The following BMPR1B variants were observed in gnomAD, a reference collection of about 807,000 sequenced individuals.
BMPR1B encodes bone morphogenetic protein receptor type-1B.
In BMPR1B, 12 loss-of-function variants were observed where a neutral mutation model predicts 59.1. The ratio of observed to expected loss-of-function variants is 0.20; its 90% confidence interval spans 0.13 to 0.33. The LOEUF (loss-of-function observed/expected upper bound fraction) is 0.33, where lower values mean the gene tolerates loss of function less well. Ranked by LOEUF, BMPR1B falls within the 10% of genes least tolerant of loss-of-function variation. The pLI, the probability that BMPR1B is intolerant of heterozygous loss-of-function variation, is 1.00. For synonymous variants in BMPR1B, 237 were observed against 207.3 expected (o/e 1.14, Z -1.23); for missense variants, 550 against 610.9 (o/e 0.90, Z 1.05).
intron 1 of BMPR1B, among the ~76,000 whole-genome samples, chr4:94,769,610 CA>C (rs35417815): frequency 6.4e-4 from 93 of 145,004 alleles, no homozygotes; most frequent in Middle Eastern, 3.6e-3. Context: ...AACACCTTCT[CA>C]AAAAAAAAAA....
At chr4:95,008,912 G>A (rs1368962365) in intron 3 of BMPR1B, among the ~76,000 whole-genome samples, 1 of 152,108 alleles carries the variant, frequency 6.6e-6, no homozygotes, top group Non-Finnish European at 1.5e-5. Flanking sequence ...GATGAGGGTT[G>A]GGCACAGTGT....
intron 1 of BMPR1B, among the ~76,000 whole-genome samples, chr4:94,797,487 G>A (rs1037973932): frequency 2.0e-5 from 3 of 152,194 alleles, no homozygotes. Context: ...CGAAGGTGTT[G>A]TAGAAAAAAC....
intron 3 of BMPR1B, among the ~76,000 whole-genome samples, chr4:95,024,815 A>T (rs1469069463): frequency 6.6e-6 from 1 of 152,178 alleles, no homozygotes; most frequent in African/African-American, 2.4e-5. Context: ...AAAAATGAAA[A>T]TAAAAGGCTG....
chr4:95,073,231 C>G (rs1042546301), intron 3 of BMPR1B, among the ~76,000 whole-genome samples: 11 of 152,192 alleles, frequency 7.2e-5, no homozygotes, highest in African/African-American at 2.6e-4. Context: ...ATTTGACTTG[C>G]CAAGCCATTT....
At chr4:94,902,961 A>G (rs574458364) in intron 2 of BMPR1B, among the ~76,000 whole-genome samples, 1 of 152,048 alleles carries the variant, frequency 6.6e-6, no homozygotes, top group Non-Finnish European at 1.5e-5. Flanking sequence ...TGTGAGGGCT[A>G]GGTTTTGATC....
Position 95,044,821 on chromosome 4 carries a change from T to G in BMPR1B, c.-18+48687T>G, listed in dbSNP as rs113932170. On this transcript the variant is annotated intron_variant, in intron 3 of 12. Coordinates refer to ENST00000515059, the MANE Select transcript of BMPR1B (RefSeq NM_001203.3). ...GAAAGAGGGCTGAAGTTGTGGTCTT[T>G]ATAAACTCCAAAGTCAGGAAAAAAG... 2.9e-3 allele frequency among the ~76,000 whole-genome samples: 449 copies of G among 152,274 alleles called. 1 individual carries two copies. Among genetic ancestry groups the G allele is most frequent in the African/African-American group, 0.01 (423 of 41,566 alleles).
intron 6 of BMPR1B, among the ~76,000 whole-genome samples, chr4:95,119,801 A>T (rs1349582568): frequency 6.6e-6 from 1 of 152,222 alleles, no homozygotes; most frequent in East Asian, 1.9e-4. Context: ...TGAGTAAATC[A>T]TAACACTGAC....
At chr4:94,775,334 A>G (rs1722327562) in intron 1 of BMPR1B, among the ~76,000 whole-genome samples, 1 of 152,244 alleles carries the variant, frequency 6.6e-6, no homozygotes, top group Admixed American at 6.5e-5. Context: ...TGTACAGTTA[A>G]TTGATCAATT....
chr4:94,882,505 A>G (rs1387796224), intron 2 of BMPR1B, among the ~76,000 whole-genome samples: 4 of 152,224 alleles, frequency 2.6e-5, no homozygotes, highest in African/African-American at 9.6e-5. Flanking sequence ...TACTGTGCTA[A>G]GCACTCAGCA....
chr4:95,093,753 G>A (rs1730171532), intron 3 of BMPR1B, among the ~76,000 whole-genome samples: 1 of 152,016 alleles, frequency 6.6e-6, no homozygotes, highest in African/African-American at 2.4e-5. Context: ...TGTGAGTATG[G>A]TGAAAAGAGA....
chr4:95,154,620 C>A lies in BMPR1B; in HGVS notation c.1456C>A (p.Arg486=). ...TCCTGCATCAAGGCTGACAGCCCTG[C>A]GGGTTAAGAAAACACTTGCCAAAAT... is the stretch of plus-strand genomic sequence containing the variant. ...HNPASRLTAL[R]VKKTLAKMSE... Residue 486 remains arginine, a synonymous_variant, in exon 13 of 13, where the codon CGG becomes AGG. Transcript: ENST00000515059. 1 of 1,614,042 alleles carries A rather than the reference C, an allele frequency of 6.2e-7. No homozygotes were observed. The highest frequency in any genetic ancestry group is 8.5e-7 in the Non-Finnish European group (1 of 1,179,968).
rs536498549 is a variant in BMPR1B at position 94,951,691 on chromosome 4, T to G, written c.-112-44349T>G. On this transcript the variant is annotated intron_variant, in intron 2 of 12. Transcript: ENST00000515059. ...CTTATTGAGGATTTTTGCATCAATA[T>G]TCATCAGCGATATTGGCCTGAAATT... Among the ~76,000 whole-genome samples the G allele has an allele frequency of 7.1e-3, 1,076 of 152,340 alleles. 14 individuals are homozygous for G. Among genetic ancestry groups the G allele is most frequent in the African/African-American group, 0.025 (1,033 of 41,568 alleles).
chr4:94,843,144 A>G (rs775627212), intron 1 of BMPR1B, among the ~76,000 whole-genome samples: 12 of 152,250 alleles, frequency 7.9e-5, no homozygotes, highest in Non-Finnish European at 1.6e-4. Context: ...GCCCAAAATC[A>G]CATAGTTAGT....
chr4:95,101,985 G>A (rs1456607464), intron 3 of BMPR1B, among the ~76,000 whole-genome samples: 1 of 152,048 alleles, frequency 6.6e-6, no homozygotes, highest in Non-Finnish European at 1.5e-5. Context: ...TACCCTGTAA[G>A]TAAAACCAAA....
chr4:94,916,393 A>G (rs542163371), intron 2 of BMPR1B, among the ~76,000 whole-genome samples: 1 of 152,316 alleles, frequency 6.6e-6, no homozygotes, highest in South Asian at 2.1e-4. Context: ...CGAGGTCTCA[A>G]ATGGAAATGA....
chr4:95,142,478 G>A (rs1369167368), intron 10 of BMPR1B, among the ~76,000 whole-genome samples: 1 of 152,082 alleles, frequency 6.6e-6, no homozygotes, highest in Non-Finnish European at 1.5e-5. Flanking sequence ...TTAAAGTACA[G>A]TTCTTATTTC....
intron 1 of BMPR1B, among the ~76,000 whole-genome samples, chr4:94,843,747 A>T (rs960244476): frequency 4.6e-5 from 7 of 152,146 alleles, no homozygotes; most frequent in Non-Finnish European, 8.8e-5. Flanking sequence ...TTTTATTTTG[A>T]TAAGCAATAA....
intron 3 of BMPR1B, among the ~76,000 whole-genome samples, chr4:95,100,656 T>C (rs981953522): frequency 6.6e-6 from 1 of 152,142 alleles, no homozygotes; most frequent in Admixed American, 6.6e-5. Context: ...CAAGTCTCTC[T>C]TTCTAGAGCT....
Position 95,131,215 on chromosome 4 carries a change from G to A in BMPR1B, c.779G>A (p.Gly260Asp), listed in dbSNP as rs1268550390. 6.2e-7 allele frequency: 1 copy of A among 1,613,066 alleles called. No homozygotes were observed. Among genetic ancestry groups the A allele is most frequent in the Non-Finnish European group, 8.5e-7 (1 of 1,179,442 alleles). Residue 260 changes from glycine to aspartate, a missense_variant and splice_region_variant, in exon 10 of 13, where the codon GGT (glycine) becomes GAT (aspartate). Around this residue, in one of 6 missense-constraint regions of BMPR1B, gnomAD observed 318 missense variants for 284.6 expected, o/e 1.12. Coordinates refer to ENST00000515059, the MANE Select transcript of BMPR1B (RefSeq NM_001203.3). ...TVLMRHENIL[G>D]FIAADIKGTG... ...ACCTTTTCATCTTTTTTCCTTTTAGGTTTCATTGCTGCAGATATCAAAGGG... is the reference window on the plus strand; with the variant it reads ...ACCTTTTCATCTTTTTTCCTTTTAGATTTCATTGCTGCAGATATCAAAGGG...
Sources: gnomAD v4.1 joint callset for allele counts (sites outside exome capture counted in the v4.1 genomes callset) on GRCh38, gnomAD v4.1.1 for gene constraint, gnomAD v4.1.1 regional missense constraint, MANE v1.5 for transcripts, NCBI Gene and HGNC (gene_info 2026-07-23, HGNC 2026-07-21) for gene names.